YEATS2: variants seen among roughly 807,000 people sequenced by gnomAD.
The protein encoded by YEATS2 is YEATS domain-containing protein 2.
YEATS2 carries 77 observed loss-of-function variants against 163.2 expected under a neutral mutation model. The observed-to-expected ratio is 0.47, with a 90% CI of 0.39 to 0.57. YEATS2 has a LOEUF of 0.57. Among genes scored for constraint, YEATS2 ranks in the 20% least tolerant of loss-of-function variants. YEATS2 has a pLI of 0.00. For synonymous variants in YEATS2, 631 were observed against 645.1 expected, an observed-to-expected ratio of 0.98 and a Z score of 0.33; for missense variants, 1,549 against 1,729.8, an observed-to-expected ratio of 0.90 and a Z score of 1.85.
intron 1 of YEATS2, among the ~76,000 whole-genome samples, chr3:183,706,863 T>G (rs1178144773): frequency 6.6e-6 from 1 of 151,620 alleles, no homozygotes; most frequent in Non-Finnish European, 1.5e-5. Flanking sequence ...AAAATCTGAA[T>G]CTTAAATGCT....
At chr3:183,759,044 A>ACCCCATCTCCATT in intron 13 of YEATS2, 79 bp downstream of exon 13, 20 of 1,007,254 alleles carry the variant, frequency 2.0e-5, no homozygotes, top group Non-Finnish European at 2.7e-5. Context: ...TCAAATGGAG[A>ACCCCATCTCCATT]TGGGGTCTCC....
chr3:183,790,468 A>T lies in YEATS2; in HGVS notation c.2914-329A>T, dbSNP rs1325613344. Among the ~76,000 whole-genome samples, 3 of 152,150 alleles carry T rather than the reference A, an allele frequency of 2.0e-5. No homozygotes were observed. In the East Asian group the frequency reaches 5.8e-4, roughly 29 times the overall value. On this transcript the variant is annotated intron_variant, in intron 20 of 30. Transcript: ENST00000305135. ...TAAAGCTCATTTTTAGTCCATGTGT[A>T]TATTCTGAGAATATGTCCTCCTAGT...
chr3:183,711,401 A>T (rs1715199964), intron 1 of YEATS2, among the ~76,000 whole-genome samples: 1 of 140,262 alleles, frequency 7.1e-6, no homozygotes, highest in Non-Finnish European at 1.5e-5. Context: ...TGAACCCGGG[A>T]GGTGGAGCTT....
rs771877418 is a variant in YEATS2, at chr3:183,775,937, C to T, written c.2391C>T (p.Ala797=). Residue 797 remains alanine (A), a synonymous_variant, in exon 18 of 31, where the codon GCC becomes GCT. Coordinates refer to ENST00000305135, the MANE Select transcript of YEATS2 (RefSeq NM_018023.5). ...TAGATCTCCAGTCTGGCTCAGCTGC[C>T]AGTGGTGGGAGTGGTGCCGGAGGAG... ...NNANLQSGSA[A]SGGSGAGGGG... 3 of 1,610,342 alleles carry T rather than the reference C, an allele frequency of 1.9e-6. No individual in the cohort carries two copies. Among genetic ancestry groups the T allele is most frequent in the Admixed American group, 1.7e-5 (1 of 59,548 alleles).
At chr3:183,803,038 A>G (rs888517507) in intron 25 of YEATS2, 10 of 560,334 alleles carry the variant, frequency 1.8e-5, no homozygotes, top group African/African-American at 1.5e-4. Flanking sequence ...CAAAGAAGCA[A>G]AGTGCCCAGG....
At chr3:183,787,602 C>G (rs1724185582) in intron 20 of YEATS2, among the ~76,000 whole-genome samples, 1 of 152,018 alleles carries the variant, frequency 6.6e-6, no homozygotes, top group Admixed American at 6.6e-5. Flanking sequence ...ATGTCTCTTA[C>G]CAGATTTGCA....
chr3:183,787,450 A>G (rs1270355329), intron 20 of YEATS2, among the ~76,000 whole-genome samples: 5 of 151,646 alleles, frequency 3.3e-5, no homozygotes, highest in African/African-American at 1.2e-4. Context: ...TTGATTTGCG[A>G]TTCCCTGTTA....
Position 183,722,006 on chromosome 3 carries a change from A to G in YEATS2, c.407A>G (p.Asn136Ser), listed in dbSNP as rs144295244. The G allele has an allele frequency of 6.8e-6, 11 of 1,614,166 alleles. No homozygotes were observed. The East Asian group carries it at 1.3e-4, about 20-fold the overall frequency. Reference protein sequence around the residue: ...ANQRAETPSANHSESDSLSQH... With the variant: ...ANQRAETPSASHSESDSLSQH... ...CAGAGAGCAGAAACACCATCAGCCAATCATTCAGAAAGTGATTCTTTATCT... is the reference window on the plus strand; with the variant it reads ...CAGAGAGCAGAAACACCATCAGCCAGTCATTCAGAAAGTGATTCTTTATCT... Residue 136 changes from asparagine to serine, a missense_variant, in exon 5 of 31, where the codon AAT becomes AGT. Transcript: ENST00000305135.
At chr3:183,729,677 T>C (rs1577069963) in intron 7 of YEATS2, among the ~76,000 whole-genome samples, 1 of 13,128 alleles carries the variant, frequency 7.6e-5, no homozygotes, top group African/African-American at 1.0e-3. Flanking sequence ...GTTCTTTACA[T>C]TTTTTTTTTT....
At chr3:183,803,826 G>A (rs1358625451) in intron 26 of YEATS2, 161 bp from the exon 27 acceptor site, 19 of 731,896 alleles carry the variant, frequency 2.6e-5, no homozygotes, top group Middle Eastern at 3.9e-4. Context: ...AGGGAAGTTC[G>A]ACTTTTTTTT....
chr3:183,729,587 T>G (rs1337132307), intron 7 of YEATS2, among the ~76,000 whole-genome samples: 1 of 152,218 alleles, frequency 6.6e-6, no homozygotes, highest in Non-Finnish European at 1.5e-5. Context: ...GAATATAGTA[T>G]AGTTGTTTCT....
At chr3:183,704,925 G>A (rs1053793786) in intron 1 of YEATS2, among the ~76,000 whole-genome samples, 8 of 152,130 alleles carry the variant, frequency 5.3e-5, no homozygotes, top group African/African-American at 1.4e-4. Flanking sequence ...CACTGCATCC[G>A]ACCTTAATGA....
chr3:183,807,318 ATTACAT>A, intron 28 of YEATS2: 1 of 525,002 alleles, frequency 1.9e-6, no homozygotes. Flanking sequence ...AGAAATGCTA[ATTACAT>A]GTGAAAACAT....
intron 15 of YEATS2, among the ~76,000 whole-genome samples, chr3:183,769,880 T>C (rs1722279189): frequency 6.6e-6 from 1 of 151,460 alleles, no homozygotes. Context: ...AGAGATGAGG[T>C]TTCACCATGT....
At position 183,780,757 on chromosome 3, in the gene YEATS2, G is replaced by A. The variant is rs1577179229; in HGVS notation, c.2736+3057G>A. Among the ~76,000 whole-genome samples, 3 of 152,146 alleles carry A rather than the reference G, an allele frequency of 2.0e-5. No individual in the cohort carries two copies. The South Asian group carries it at 6.2e-4, about 31-fold the overall frequency. ...CTCTCAGCATTTAGCTAATCAAGTG[G>A]ATAAATCTTTTTTATTATAAAGGAT... On this transcript the variant is annotated intron_variant, in intron 19 of 30. Coordinates refer to ENST00000305135, the MANE Select transcript of YEATS2 (RefSeq NM_018023.5).
chr3:183,756,484 G>T (rs1259911443), intron 11 of YEATS2, 44 bp from the exon 12 acceptor site: 2 of 1,488,830 alleles, frequency 1.3e-6, no homozygotes, highest in South Asian at 2.9e-5. Flanking sequence ...TACGTGAGTT[G>T]AATATGTGTA....
At chr3:183,734,625 C>T (rs1251913786) in intron 7 of YEATS2, among the ~76,000 whole-genome samples, 1 of 152,148 alleles carries the variant, frequency 6.6e-6, no homozygotes, top group African/African-American at 2.4e-5. Context: ...TTCCAAATGG[C>T]ATATCTAGAA....
At chr3:183,748,198 C>T (rs370961619) in intron 9 of YEATS2, among the ~76,000 whole-genome samples, 26 of 151,240 alleles carry the variant, frequency 1.7e-4, no homozygotes, top group East Asian at 1.4e-3. Context: ...TCCCCTCCCT[C>T]CTCTTCCCTT....
chr3:183,761,956 C>T (rs1721399811), intron 14 of YEATS2, 141 bp from the exon 15 acceptor site: 1 of 1,136,064 alleles, frequency 8.8e-7, no homozygotes, highest in Admixed American at 2.0e-5. Context: ...TGTATATTTA[C>T]CCTTCTGGTG....
Sources: allele counts gnomAD v4.1 joint callset (sites outside exome capture counted in the v4.1 genomes callset), GRCh38; gene constraint gnomAD v4.1.1; transcripts MANE v1.5; gene names NCBI Gene and HGNC (gene_info 2026-07-23, HGNC 2026-07-21).